RTN3: variants seen among roughly 807,000 people sequenced by gnomAD.
RTN3 encodes reticulon 3.
RTN3 carries 49 observed loss-of-function variants against 77.8 expected under a neutral mutation model. The ratio of observed to expected loss-of-function variants is 0.63; its 90% CI spans 0.50 to 0.80. The LOEUF (loss-of-function observed/expected upper bound fraction) is 0.80, where lower values mean the gene tolerates loss of function less well. RTN3 is among the 30% of genes least tolerant of loss of function. The pLI, the probability that RTN3 is intolerant of heterozygous loss-of-function variation, is 0.00. For synonymous variants in RTN3, 464 were observed against 446.9 expected (o/e 1.04, Z -0.48); for missense variants, 1,236 against 1,211.9 (o/e 1.02, Z -0.29).
chr11:63,754,331 A>C (rs1337722308), intron 7 of RTN3, among the ~76,000 whole-genome samples: 1 of 152,190 alleles, frequency 6.6e-6, no homozygotes. Flanking sequence ...AGGCAGGCAG[A>C]TCACTTGAGG....
chr11:63,728,836 G>A (rs866596598), intron 3 of RTN3, among the ~76,000 whole-genome samples: 6 of 151,078 alleles, frequency 4.0e-5, no homozygotes, highest in Non-Finnish European at 5.9e-5. Context: ...GCAGTGAGCC[G>A]GGATTGCGCC....
rs534741282 is a variant in RTN3, at chr11:63,681,500, A to T, written c.-137A>T. 5.9e-6 allele frequency: 5 copies of T among 851,608 alleles called. No individual in the cohort carries two copies. The South Asian group carries it at 1.0e-4, about 18-fold the overall frequency. The allele number at this position is 851,608 out of a possible 1,614,324, so 52.8% of individuals were successfully genotyped here. A position where few individuals can be genotyped will look rare whatever the true frequency, so the allele number is the denominator to read the frequency against. The stretch of plus-strand genomic sequence containing the variant: ...CTAGCTGCGCTCGGCTGAGTCAGTC[A>T]GTCTGTCGGAGTCTGTCCTCGGAGC... On this transcript the variant is annotated 5_prime_UTR_variant, in exon 1 of 9. Coordinates refer to ENST00000377819, the MANE Select transcript of RTN3 (RefSeq NM_001265589.2).
chr11:63,689,426 C>G (rs957170519), intron 1 of RTN3, among the ~76,000 whole-genome samples: 4 of 152,102 alleles, frequency 2.6e-5, no homozygotes, highest in African/African-American at 9.7e-5. Flanking sequence ...TAGCTGTAAT[C>G]AGTATTGCTT....
chr11:63,682,142 C>T (rs1941092097), intron 1 of RTN3, among the ~76,000 whole-genome samples: 1 of 152,052 alleles, frequency 6.6e-6, no homozygotes, highest in Non-Finnish European at 1.5e-5. Flanking sequence ...TGAAAGGATA[C>T]GGGCAGGTGG....
intron 3 of RTN3, among the ~76,000 whole-genome samples, chr11:63,745,574 T>A (rs2013746548): frequency 6.6e-6 from 1 of 152,144 alleles, no homozygotes; most frequent in South Asian, 2.1e-4. Flanking sequence ...TTTTCCAAGC[T>A]CTTCCTCTGT....
rs34237318 is a variant in RTN3 at position 63,724,484 on chromosome 11, CTTTTTTTTT to C, written c.2530+3468_2530+3476del. On this transcript the variant is annotated intron_variant, in intron 3 of 8. Coordinates refer to ENST00000377819, the MANE Select transcript of RTN3 (RefSeq NM_001265589.2). ...AGGCGTGAGCCACCCGTGCCCGGCCCTTTTTTTTTTTTTTTTTTTTTTTTAAAGACAGAG... is the reference window on the plus strand; with the variant it reads ...AGGCGTGAGCCACCCGTGCCCGGCCCTTTTTTTTTTTTTTTAAAGACAGAG... 9.9e-4 allele frequency among the ~76,000 whole-genome samples: 81 copies of C among 81,804 alleles called. 1 individual carries two copies. The highest frequency in any genetic ancestry group is 3.6e-3 in the African/African-American group (80 of 21,928). 53.7% of individuals were successfully genotyped at this position (81,804 alleles called of 152,430 possible).
At position 63,720,767 on chromosome 11, in the gene RTN3, G is replaced by A. The variant is rs775707340; in HGVS notation, c.2265G>A (p.Gln755=). ...IKALKELGER[Q]VEKSTSAQRD... ...CTCTTAAAGAATTAGGTGAAAGACA[G>A]GTTGAGAAGTCAACTTCTGCACAGC... Residue 755 remains glutamine (Q), a synonymous_variant, in exon 3 of 9, where the codon CAG becomes CAA. Coordinates refer to ENST00000377819, the MANE Select transcript of RTN3 (RefSeq NM_001265589.2). The A allele has an allele frequency of 1.2e-6, 2 of 1,614,160 alleles. No homozygotes were observed. The highest frequency in any genetic ancestry group is 8.5e-7 in the Non-Finnish European group (1 of 1,180,030).
At chr11:63,702,751 T>C (rs981046775) in intron 1 of RTN3, among the ~76,000 whole-genome samples, 3 of 151,890 alleles carry the variant, frequency 2.0e-5, no homozygotes, top group Non-Finnish European at 4.4e-5. Flanking sequence ...AATGGCGTGA[T>C]CTCGGCTCAC....
At chr11:63,751,447 T>C (rs2014101317) in intron 4 of RTN3, among the ~76,000 whole-genome samples, 1 of 152,214 alleles carries the variant, frequency 6.6e-6, no homozygotes, top group Admixed American at 6.5e-5. Context: ...ATTTCTAGCT[T>C]TTTTGATTGT....
At chr11:63,752,711 G>GA (rs2014170878) in intron 5 of RTN3, 66 bp downstream of exon 5, 1 of 1,521,734 alleles carries the variant, frequency 6.6e-7, no homozygotes, top group Non-Finnish European at 9.0e-7. Flanking sequence ...TAATTTGGAG[G>GA]AAAAACAGTA....
chr11:63,697,056 T>G (rs1941993864), intron 1 of RTN3, among the ~76,000 whole-genome samples: 1 of 151,284 alleles, frequency 6.6e-6, no homozygotes, highest in Admixed American at 6.6e-5. Context: ...GACTAATTTT[T>G]TGTATTTTTA....
At chr11:63,742,906 G>C (rs954222391) in intron 3 of RTN3, among the ~76,000 whole-genome samples, 11 of 152,018 alleles carry the variant, frequency 7.2e-5, no homozygotes, top group African/African-American at 2.7e-4. Flanking sequence ...TTGAGATTGA[G>C]TCCCACTCTT....
chr11:63,749,995 C>G lies in RTN3; in HGVS notation c.2535C>G (p.His845Gln). 1 of 1,612,226 alleles carries G rather than the reference C, an allele frequency of 6.2e-7. No individual in the cohort carries two copies. The highest frequency in any genetic ancestry group is 8.5e-7 in the Non-Finnish European group (1 of 1,178,388). The change falls in exon 4 of 9, where the codon CAC becomes CAG. Residue 845 changes from histidine to glutamine, a missense_variant. This residue lies in a region of RTN3 where 1,056 missense variants were observed against 990.4 expected (regional missense o/e 1.07). Transcript: ENST00000377819. ...LARLLTDFSV[H>Q]DLIFWRDVKK... ...TATTCCCTTTTCTTTTGTCAGTGCA[C>G]GATCTGATTTTCTGGAGAGATGTGA...
Position 63,720,979 on chromosome 11 carries a change from A to G in RTN3, c.2477A>G (p.Lys826Arg), listed in dbSNP as rs1312476714. ...GTAGATGCTGTTTCCAGCCTTAGCA[A>G]GACTGAATTGGTAAAAAAGCATGTC... ...TRVDAVSSLS[K>R]TELVKKHVLA... Residue 826 changes from lysine to arginine, a missense_variant, in exon 3 of 9, where the codon AAG becomes AGG. Physicochemically the swap from Lys to Arg is conservative, Grantham distance 26 (BLOSUM62 2). This residue lies in a region of RTN3 where 1,056 missense variants were observed against 990.4 expected (regional missense o/e 1.07). Coordinates refer to ENST00000377819, the MANE Select transcript of RTN3 (RefSeq NM_001265589.2). The G allele has an allele frequency of 6.2e-7, 1 of 1,611,860 alleles. No individual in the cohort carries two copies. The highest frequency in any genetic ancestry group is 2.2e-5 in the East Asian group (1 of 44,798).
intron 1 of RTN3, among the ~76,000 whole-genome samples, chr11:63,688,548 T>A (rs1224820231): frequency 6.6e-6 from 1 of 152,154 alleles, no homozygotes; most frequent in Non-Finnish European, 1.5e-5. Context: ...ATGCTGTTTT[T>A]GTTTATTGTC....
intron 3 of RTN3, among the ~76,000 whole-genome samples, chr11:63,739,907 T>G (rs182669336): frequency 2.2e-4 from 33 of 152,292 alleles, no homozygotes; most frequent in South Asian, 1.0e-3. Flanking sequence ...TGTATTTGTC[T>G]TGGGTTTCTG....
At position 63,681,642 on chromosome 11, in the gene RTN3, G is replaced by A. The variant is rs1481793084; in HGVS notation, c.6G>A (p.Ala2=). Residue 2 remains alanine (A), a synonymous_variant, in exon 1 of 9, where the codon GCG becomes GCA. Coordinates refer to ENST00000377819, the MANE Select transcript of RTN3 (RefSeq NM_001265589.2). M[A]EPSAATQSHS... is the part of the protein sequence containing the mutation. ...CCACCCTCGCTCGCGTAGCCATGGCGGAGCCGTCGGCGGCCACTCAGTCCC... is the reference window on the plus strand; with the variant it reads ...CCACCCTCGCTCGCGTAGCCATGGCAGAGCCGTCGGCGGCCACTCAGTCCC... 3 of 1,591,404 alleles carry A rather than the reference G, an allele frequency of 1.9e-6. No homozygotes were observed. The highest frequency in any genetic ancestry group is 1.7e-6 in the Non-Finnish European group (2 of 1,167,356).
At position 63,720,505 on chromosome 11, in the gene RTN3, A is replaced by G; in HGVS notation, c.2003A>G (p.Asp668Gly). 2 of 1,614,022 alleles carry G rather than the reference A, an allele frequency of 1.2e-6. No homozygotes were observed. ...FTETRDKGIV[D>G]SERNAFKAIS... is the part of the protein sequence containing the mutation. Reference sequence around the variant, plus strand: ...GAAACCAGAGATAAAGGAATAGTAGATAGTGAAAGAAATGCTTTTAAAGCA... The same window carrying G: ...GAAACCAGAGATAAAGGAATAGTAGGTAGTGAAAGAAATGCTTTTAAAGCA... The change falls in exon 3 of 9, where the codon GAT (aspartate) becomes GGT (glycine). Residue 668 changes from aspartate (D) to glycine (G), a missense_variant. Coordinates refer to ENST00000377819, the MANE Select transcript of RTN3 (RefSeq NM_001265589.2).
intron 3 of RTN3, among the ~76,000 whole-genome samples, chr11:63,740,446 T>C (rs576315422): frequency 9.8e-4 from 136 of 138,274 alleles, no homozygotes; most frequent in African/African-American, 3.4e-3. Flanking sequence ...CATGCCTGGC[T>C]AATTTTTTTT....
Sources: allele counts gnomAD v4.1 joint callset (sites outside exome capture counted in the v4.1 genomes callset), GRCh38; gene constraint gnomAD v4.1.1; regional missense constraint gnomAD v4.1.1; transcripts MANE v1.5; gene names NCBI Gene and HGNC (gene_info 2026-07-23, HGNC 2026-07-21).